ZFYVE9: variants seen among roughly 807,000 people sequenced by gnomAD.
ZFYVE9 encodes the protein zinc finger FYVE domain-containing protein 9.
Under a neutral mutation model 126.7 loss-of-function variants are expected in ZFYVE9, and 43 were observed. The ratio of observed to expected loss-of-function variants is 0.34; its 90% CI spans 0.27 to 0.44. The LOEUF is 0.44. ZFYVE9 is among the 20% of genes least tolerant of loss of function. The pLI, the probability that ZFYVE9 is intolerant of heterozygous loss-of-function variation, is 1.00. For synonymous variants in ZFYVE9, 521 were observed against 597.4 expected, an observed-to-expected ratio of 0.87 and a Z score of 1.87; for missense variants, 1,476 against 1,697.0, an observed-to-expected ratio of 0.87 and a Z score of 2.29.
chr1:52,285,356 G>C (rs1407317089), intron 10 of ZFYVE9, among the ~76,000 whole-genome samples: 1 of 152,156 alleles, frequency 6.6e-6, no homozygotes, highest in African/African-American at 2.4e-5. Context: ...CACAGGCCAT[G>C]GACTGGTATT....
intron 4 of ZFYVE9, chr1:52,252,269 C>T: frequency 6.4e-6 from 1 of 156,442 alleles, no homozygotes. Context: ...ATAGCCACCA[C>T]TGAAGGCAGA....
At chr1:52,320,364 C>T (rs1646228173) in intron 13 of ZFYVE9, among the ~76,000 whole-genome samples, 1 of 152,110 alleles carries the variant, frequency 6.6e-6, no homozygotes, top group Non-Finnish European at 1.5e-5. Context: ...GCCACCGTGC[C>T]CGGCTGTTAA....
chr1:52,211,098 A>T (rs138581879), intron 1 of ZFYVE9, among the ~76,000 whole-genome samples: 1 of 152,296 alleles, frequency 6.6e-6, no homozygotes, highest in African/African-American at 2.4e-5. Flanking sequence ...TTTCTCTGGC[A>T]TGGTTACTGG....
intron 1 of ZFYVE9, among the ~76,000 whole-genome samples, chr1:52,163,601 G>A (rs1458294827): frequency 6.6e-6 from 1 of 152,102 alleles, no homozygotes; most frequent in Non-Finnish European, 1.5e-5. Flanking sequence ...CTGATTCTTT[G>A]ATCCAGCAGA....
chr1:52,199,530 C>A (rs1644903456), intron 1 of ZFYVE9, among the ~76,000 whole-genome samples: 1 of 152,170 alleles, frequency 6.6e-6, no homozygotes, highest in Admixed American at 6.6e-5. Context: ...CTTTCTAGTG[C>A]TGAATCTATT....
intron 13 of ZFYVE9, among the ~76,000 whole-genome samples, chr1:52,313,492 A>G (rs1423702187): frequency 6.6e-6 from 1 of 152,226 alleles, no homozygotes; most frequent in Non-Finnish European, 1.5e-5. Context: ...TTAAAAATTC[A>G]GGAGATCTGG....
chr1:52,333,366 A>G (rs1229123976), intron 14 of ZFYVE9, among the ~76,000 whole-genome samples: 1 of 152,042 alleles, frequency 6.6e-6, no homozygotes, highest in East Asian at 1.9e-4. Context: ...ACTAGGCCCC[A>G]TAATGAGAGT....
intron 1 of ZFYVE9, chr1:52,162,809 G>GT (rs1268839232): frequency 2.9e-6 from 1 of 344,848 alleles, no homozygotes; most frequent in Non-Finnish European, 5.7e-6. Context: ...TGGATCAAGA[G>GT]TGGGATCTGG....
At chr1:52,313,474 G>A (rs1287838519) in intron 13 of ZFYVE9, among the ~76,000 whole-genome samples, 1 of 152,180 alleles carries the variant, frequency 6.6e-6, no homozygotes, top group Non-Finnish European at 1.5e-5. Context: ...CCGATTGCCA[G>A]AAGTGTTTTA....
intron 4 of ZFYVE9, among the ~76,000 whole-genome samples, chr1:52,254,444 C>G (rs1172837640): frequency 6.6e-6 from 1 of 150,454 alleles, no homozygotes; most frequent in East Asian, 2.0e-4. Flanking sequence ...AATCCTAGCA[C>G]TCTGGGAGGC....
rs1323439727 is a variant in ZFYVE9, at chr1:52,239,195, A to T, written c.1778A>T (p.Lys593Met). Residue 593 changes from lysine (K) to methionine (M), a missense_variant, in exon 4 of 19, where the codon AAG (lysine) becomes ATG (methionine). By Grantham distance (95) the Lys-to-Met change is moderately conservative. Transcript: ENST00000287727. ...TCTAATCTTAAACTTCAAATTCCAA[A>T]GCCATTATCAGACCATTTACAAAAT... ...QPSNLKLQIP[K>M]PLSDHLQNDF... 6.2e-7 allele frequency: 1 copy of T among 1,614,026 alleles called. No homozygotes were observed. The highest frequency in any genetic ancestry group is 1.7e-5 in the Admixed American group (1 of 59,984).
At chr1:52,209,642 TC>T (rs1302157598) in intron 1 of ZFYVE9, among the ~76,000 whole-genome samples, 14 of 152,306 alleles carry the variant, frequency 9.2e-5, no homozygotes, top group African/African-American at 3.4e-4. Flanking sequence ...GTTTTCAAGG[TC>T]CATTCATGTT....
At chr1:52,325,492 C>G (rs1392266942) in intron 13 of ZFYVE9, among the ~76,000 whole-genome samples, 1 of 152,052 alleles carries the variant, frequency 6.6e-6, no homozygotes, top group Non-Finnish European at 1.5e-5. Context: ...TGCACCCCAG[C>G]CTGAACGAGA....
chr1:52,337,944 G>T lies in ZFYVE9; in HGVS notation c.3833+10G>T, dbSNP rs753816065. 6.2e-7 allele frequency: 1 copy of T among 1,612,520 alleles called. No homozygotes were observed. The highest frequency in any genetic ancestry group is 2.2e-5 in the East Asian group (1 of 44,868). ...AGAACGTTAGCAAGGGGTAAATGCA[G>T]CACATGTCCCCCTTTGTGGCTTTTA... On this transcript the variant is annotated intron_variant, in intron 16 of 18. Coordinates refer to ENST00000287727, the MANE Select transcript of ZFYVE9 (RefSeq NM_004799.4).
chr1:52,301,276 T>A (rs562052729), intron 12 of ZFYVE9, among the ~76,000 whole-genome samples: 8 of 150,968 alleles, frequency 5.3e-5, no homozygotes, highest in African/African-American at 1.9e-4. Flanking sequence ...CTTAACGTTG[T>A]TTTTCTTTTT....
In ZFYVE9 at chr1:52,190,953, C is replaced by CCCTT. The variant is rs61375385; in HGVS notation, c.-142-25398_-142-25395dup. ...ATGGATATTCATTCCCTTCCTCCCT[C>CCCTT]CCTTCCTTCCTTCCTTCCTTCAGCT... On this transcript the variant is annotated intron_variant, in intron 1 of 18. Coordinates refer to ENST00000287727, the MANE Select transcript of ZFYVE9 (RefSeq NM_004799.4). 1.4e-4 allele frequency among the ~76,000 whole-genome samples: 21 copies of CCCTT among 151,706 alleles called. 1 individual carries two copies. In the East Asian group the frequency reaches 1.5e-3, roughly 11 times the overall value.
In ZFYVE9 at chr1:52,272,799, G is replaced by A. The variant is rs568781674; in HGVS notation, c.2626-1665G>A. 3.2e-4 allele frequency among the ~76,000 whole-genome samples: 48 copies of A among 149,378 alleles called. 3 individuals are homozygous for A. In the South Asian group the frequency reaches 8.9e-3, roughly 28 times the overall value. On this transcript the variant is annotated intron_variant, in intron 7 of 18. Transcript: ENST00000287727. ...ATTCTCCTGCCTCGGCCTCCCAAGT[G>A]GCTGGGATTACAGGCACACGCCCAG... is the stretch of plus-strand genomic sequence containing the variant.
intron 1 of ZFYVE9, chr1:52,150,540 A>T (rs1644346107): frequency 6.6e-6 from 1 of 152,118 alleles, no homozygotes; most frequent in African/African-American, 2.4e-5. Flanking sequence ...GCCGAGGTGG[A>T]TGGATCGCTT....
rs146903371 is a variant in ZFYVE9, at chr1:52,221,191, C to T, written c.-37+4717C>T. On this transcript the variant is annotated intron_variant, in intron 2 of 18. Coordinates refer to ENST00000287727, the MANE Select transcript of ZFYVE9 (RefSeq NM_004799.4). Reference sequence around the variant, plus strand: ...TTGGGCAGACCAGTTATTTGGCAGTCTTCCTGACTCTACCTCTGTGAGGAT... The same window carrying T: ...TTGGGCAGACCAGTTATTTGGCAGTTTTCCTGACTCTACCTCTGTGAGGAT... Among the ~76,000 whole-genome samples, 153 of 152,310 alleles carry T rather than the reference C, an allele frequency of 1.0e-3. 1 individual carries two copies. Among genetic ancestry groups the T allele is most frequent in the Middle Eastern group, 3.4e-3 (1 of 294 alleles).
Sources: allele counts gnomAD v4.1 joint callset (sites outside exome capture counted in the v4.1 genomes callset), GRCh38; gene constraint gnomAD v4.1.1; transcripts MANE v1.5; gene names NCBI Gene and HGNC (gene_info 2026-07-23, HGNC 2026-07-21).